Variants in TSNARE1 observed in about 807,000 individuals in gnomAD.
TSNARE1 encodes the protein t-SNARE domain containing 1, also known as t-SNARE domain-containing protein 1.
In TSNARE1, 49 loss-of-function variants were observed where a neutral mutation model predicts 62.0. The observed-to-expected ratio is 0.79, with a 90% confidence interval of 0.63 to 1.00. The LOEUF is 1.00. TSNARE1 is among the 50% of genes least tolerant of loss of function. TSNARE1 has a pLI of 0.00. For missense variants in TSNARE1, 755 were observed against 700.1 expected, an observed-to-expected ratio of 1.08 and a Z score of -0.88; for synonymous variants, 328 against 294.4, an observed-to-expected ratio of 1.11 and a Z score of -1.17.
chr8:142,319,935 A>G lies in TSNARE1; in HGVS notation c.894-1301T>C, dbSNP rs1829224841. 6.6e-6 allele frequency among the ~76,000 whole-genome samples: 1 copy of G among 152,160 alleles called. No homozygotes were observed. ...CTTGGTCAGGGCCGCCTCCTCCTGC[A>G]GCTGGCGTCTGAGGCTTTGGAGAGC... On this transcript the variant is annotated intron_variant, in intron 6 of 13. Coordinates refer to ENST00000524325, the MANE Select transcript of TSNARE1 (RefSeq NM_145003.5). This position sits in a 1 kb window ranked among gnomAD's most constrained non-coding sequence, Gnocchi z 4.9.
rs148169104 is a variant in TSNARE1, at chr8:142,221,109, C to A, written c.*11+8364G>T. On this transcript the variant is annotated intron_variant, in intron 13 of 13. Coordinates refer to ENST00000524325, the MANE Select transcript of TSNARE1 (RefSeq NM_145003.5). ...CACTCCACCGTGCCTGGCTTCTGAG[C>A]AAATCCTCTCATCTCTGCACCTCGG... 7.5e-3 allele frequency among the ~76,000 whole-genome samples: 1,144 copies of A among 152,338 alleles called. 17 individuals are homozygous for A. Among genetic ancestry groups the A allele is most frequent in the African/African-American group, 0.027 (1,109 of 41,586 alleles).
At chr8:142,279,173 G>C (rs1415601221) in intron 11 of TSNARE1, among the ~76,000 whole-genome samples, 1 of 152,228 alleles carries the variant, frequency 6.6e-6, no homozygotes, top group African/African-American at 2.4e-5. Context: ...GGAAAGTAGG[G>C]ACTTCTCCCT....
intron 13 of TSNARE1, among the ~76,000 whole-genome samples, chr8:142,223,389 TTCAC>T (rs1488592947): frequency 1.4e-5 from 2 of 145,436 alleles, no homozygotes; most frequent in African/African-American, 2.6e-5. Flanking sequence ...CACTCAAGTA[TTCAC>T]TCATTCACTC....
intron 3 of TSNARE1, among the ~76,000 whole-genome samples, chr8:142,345,505 T>C (rs2130411755): frequency 6.6e-6 from 1 of 152,292 alleles, no homozygotes; most frequent in South Asian, 2.1e-4. Flanking sequence ...GTCCTGAGCC[T>C]ACAGGGTTGG....
chr8:142,322,040 T>C (rs994233340), intron 6 of TSNARE1, among the ~76,000 whole-genome samples: 3 of 152,180 alleles, frequency 2.0e-5, no homozygotes, highest in African/African-American at 7.2e-5. Flanking sequence ...ATGAAAGAGA[T>C]AGTATACCAT....
chr8:142,348,679 A>C (rs1379920410), intron 2 of TSNARE1, among the ~76,000 whole-genome samples: 1 of 144,734 alleles, frequency 6.9e-6, no homozygotes, highest in Non-Finnish European at 1.5e-5. Flanking sequence ...CAGGCTGCCA[A>C]GGGCGTGTCG....
At chr8:142,281,381 C>G (rs117980982) in intron 11 of TSNARE1, among the ~76,000 whole-genome samples, 98 of 151,902 alleles carry the variant, frequency 6.5e-4, no homozygotes, top group Non-Finnish European at 1.0e-3. Context: ...CCAGTGGGAG[C>G]GGGAAAGACA....
intron 13 of TSNARE1, among the ~76,000 whole-genome samples, chr8:142,215,889 G>A (rs1586739444): frequency 1.3e-5 from 2 of 152,204 alleles, no homozygotes; most frequent in African/African-American, 2.4e-5. Flanking sequence ...CCAACCCTCC[G>A]CCTGCACCCC....
intron 1 of TSNARE1, among the ~76,000 whole-genome samples, chr8:142,367,599 A>G (rs1003387647): frequency 2.0e-5 from 3 of 152,242 alleles, no homozygotes; most frequent in Non-Finnish European, 2.9e-5. Context: ...ATATTCTGGC[A>G]TTTGATAGTA....
At chr8:142,218,796 C>T (rs4327969) in intron 13 of TSNARE1, among the ~76,000 whole-genome samples, 138,058 of 152,256 alleles carry the variant, frequency 0.91, 62,635 homozygotes, top group Non-Finnish European at 0.92. Context: ...CTGGAGCACC[C>T]AGCACATTCA....
At chr8:142,222,724 T>G (rs1586765128) in intron 13 of TSNARE1, among the ~76,000 whole-genome samples, 1 of 106,910 alleles carries the variant, frequency 9.4e-6, no homozygotes, top group African/African-American at 3.8e-5. Context: ...ATCCACTCAC[T>G]CACTCATCCA....
chr8:142,363,659 G>A lies in TSNARE1; in HGVS notation c.-39-8896C>T, dbSNP rs540980279. Among the ~76,000 whole-genome samples the A allele has an allele frequency of 7.2e-5, 11 of 152,194 alleles. No homozygotes were observed. In the South Asian group the frequency reaches 2.3e-3, roughly 32 times the overall value. On this transcript the variant is annotated intron_variant, in intron 1 of 13. Coordinates refer to ENST00000524325, the MANE Select transcript of TSNARE1 (RefSeq NM_145003.5). ...AGGGCCAGACAGACACCACGAACTGGTCCCCACAGGAGCCTTCAAGCTGTG... is the reference window on the plus strand; with the variant it reads ...AGGGCCAGACAGACACCACGAACTGATCCCCACAGGAGCCTTCAAGCTGTG...
intron 1 of TSNARE1, among the ~76,000 whole-genome samples, chr8:142,360,978 C>A (rs1307817673): frequency 6.6e-6 from 1 of 152,180 alleles, no homozygotes; most frequent in African/African-American, 2.4e-5. Context: ...GGCTGGGCCA[C>A]CCTTCCCCCA....
intron 11 of TSNARE1, chr8:142,276,934 G>A: frequency 1.0e-6 from 1 of 985,450 alleles, no homozygotes. Context: ...TGCCAGGTGG[G>A]CACGCCATGT....
At chr8:142,330,043 G>A (rs1830785216) in intron 6 of TSNARE1, among the ~76,000 whole-genome samples, 1 of 152,236 alleles carries the variant, frequency 6.6e-6, no homozygotes, top group Admixed American at 6.5e-5. Flanking sequence ...GTGCAAGGCT[G>A]GTGTGGCCAC....
intron 13 of TSNARE1, among the ~76,000 whole-genome samples, chr8:142,222,555 C>T (rs111215842): frequency 0.83 from 50,572 of 61,134 alleles, 22,270 homozygotes; most frequent in Non-Finnish European, 0.86. Flanking sequence ...CACTCACTCA[C>T]TCACTCATTC....
intron 12 of TSNARE1, among the ~76,000 whole-genome samples, chr8:142,254,079 C>A (rs1270200054): frequency 4.6e-5 from 7 of 152,266 alleles, no homozygotes; most frequent in African/African-American, 1.7e-4. Flanking sequence ...TCTGTGCCTC[C>A]CTTCCACCTT....
At chr8:142,335,014 G>GA (rs1275625148) in intron 4 of TSNARE1, among the ~76,000 whole-genome samples, 1 of 152,154 alleles carries the variant, frequency 6.6e-6, no homozygotes, top group Non-Finnish European at 1.5e-5. Flanking sequence ...ATGGTAAATA[G>GA]AAAAAAGATA....
chr8:142,319,673 C>T lies in TSNARE1; in HGVS notation c.894-1039G>A, dbSNP rs1318433577. 6.6e-5 allele frequency among the ~76,000 whole-genome samples: 10 copies of T among 152,136 alleles called. No homozygotes were observed. Among genetic ancestry groups the T allele is most frequent in the Non-Finnish European group, 5.9e-5 (4 of 68,026 alleles). ...ACCTGCACCAAGCAGGCCTTGGGGC[C>T]GACACGTGGGAGCGAGCCTGGCACC... On this transcript the variant is annotated intron_variant, in intron 6 of 13. Transcript: ENST00000524325. This position sits in a 1 kb window ranked among gnomAD's most constrained non-coding sequence, Gnocchi z 4.9.
Sources: gnomAD v4.1 joint callset for allele counts (sites outside exome capture counted in the v4.1 genomes callset) on GRCh38, gnomAD v4.1.1 for gene constraint, Gnocchi (gnomAD v3.1) non-coding constraint, MANE v1.5 for transcripts, NCBI Gene and HGNC (gene_info 2026-07-23, HGNC 2026-07-21) for gene names.